The following UVRAG variants were observed in gnomAD, a reference collection of about 807,000 sequenced individuals.
UVRAG encodes UV radiation resistance associated.
A neutral mutation model predicts 78.0 loss-of-function variants in UVRAG; 19 were observed. That is an observed-to-expected ratio of 0.24 (90% CI 0.17 to 0.36). The LOEUF is 0.36. Ranked by LOEUF, UVRAG falls within the 10% of genes least tolerant of loss-of-function variation. The pLI is 1.00. For synonymous variants in UVRAG, 323 were observed against 324.6 expected (o/e 1.00, Z 0.05); for missense variants, 740 against 853.8 (o/e 0.87, Z 1.66).
At chr11:75,900,061 T>A (rs1947455370) in intron 5 of UVRAG, among the ~76,000 whole-genome samples, 2 of 152,226 alleles carry the variant, frequency 1.3e-5, no homozygotes, top group South Asian at 4.1e-4. Flanking sequence ...CGTTTCCTGT[T>A]ATGAATTTGG....
intron 7 of UVRAG, among the ~76,000 whole-genome samples, chr11:75,981,421 C>T (rs1949389402): frequency 6.6e-6 from 1 of 151,690 alleles, no homozygotes; most frequent in African/African-American, 2.4e-5. Flanking sequence ...CCTAATTTGG[C>T]AAGTTTTTAG....
intron 4 of UVRAG, among the ~76,000 whole-genome samples, chr11:75,884,546 A>G (rs1442714593): frequency 6.6e-6 from 1 of 151,978 alleles, no homozygotes; most frequent in African/African-American, 2.4e-5. Context: ...GAAGTTTTAT[A>G]GTTTTAGGTT....
intron 13 of UVRAG, among the ~76,000 whole-genome samples, chr11:76,110,197 A>G (rs1019548934): frequency 2.7e-4 from 35 of 131,724 alleles, no homozygotes; most frequent in African/African-American, 1.4e-3. Context: ...TGGAGAATAT[A>G]TATATATCTG....
At chr11:75,827,541 G>A (rs1755789812) in intron 1 of UVRAG, among the ~76,000 whole-genome samples, 2 of 152,132 alleles carry the variant, frequency 1.3e-5, no homozygotes, top group Admixed American at 1.3e-4. Flanking sequence ...AACCCAGGAG[G>A]CGGAGGTTGC....
At chr11:75,863,763 C>G (rs1946475769) in intron 3 of UVRAG, among the ~76,000 whole-genome samples, 1 of 152,188 alleles carries the variant, frequency 6.6e-6, no homozygotes, top group African/African-American at 2.4e-5. Flanking sequence ...GAGGATTGGA[C>G]TAAAACACTT....
At chr11:75,815,890 C>A (rs1205301167) in intron 1 of UVRAG, among the ~76,000 whole-genome samples, 1 of 152,226 alleles carries the variant, frequency 6.6e-6, no homozygotes, top group Admixed American at 6.5e-5. Context: ...CGGGGAACCC[C>A]CTGTGTCCCA....
chr11:75,964,575 A>G (rs1948974292), intron 7 of UVRAG, among the ~76,000 whole-genome samples: 1 of 152,192 alleles, frequency 6.6e-6, no homozygotes, highest in Non-Finnish European at 1.5e-5. Flanking sequence ...AGCATTTTTC[A>G]TATCCTATTG....
At chr11:76,003,440 C>T (rs371858650) in intron 8 of UVRAG, among the ~76,000 whole-genome samples, 2 of 151,654 alleles carry the variant, frequency 1.3e-5, no homozygotes, top group African/African-American at 2.4e-5. Flanking sequence ...AGGCTGGTCT[C>T]GAACTCCTGA....
At chr11:75,929,944 C>T (rs185317446) in intron 6 of UVRAG, among the ~76,000 whole-genome samples, 24 of 152,252 alleles carry the variant, frequency 1.6e-4, no homozygotes, top group South Asian at 2.1e-4. Flanking sequence ...GATCTCACTT[C>T]GTTCCTGTAC....
intron 1 of UVRAG, among the ~76,000 whole-genome samples, chr11:75,828,605 A>C (rs1945571357): frequency 1.3e-5 from 2 of 150,922 alleles, no homozygotes. Flanking sequence ...TAGCCTCCTG[A>C]GTAGCTGAGA....
intron 13 of UVRAG, among the ~76,000 whole-genome samples, chr11:76,082,329 A>G (rs886251712): frequency 1.3e-5 from 2 of 151,734 alleles, no homozygotes; most frequent in East Asian, 3.9e-4. Context: ...TCACGAGGTC[A>G]GGAGATCGAG....
intron 5 of UVRAG, among the ~76,000 whole-genome samples, chr11:75,908,529 T>C (rs574857538): frequency 5.3e-5 from 8 of 152,298 alleles, no homozygotes; most frequent in Admixed American, 5.2e-4. Flanking sequence ...ATATCTGTAT[T>C]CATAAAGGAT....
intron 9 of UVRAG, among the ~76,000 whole-genome samples, chr11:76,005,101 T>C (rs892402420): frequency 5.9e-5 from 9 of 152,134 alleles, no homozygotes; most frequent in African/African-American, 2.2e-4. Context: ...CCCAGCACTT[T>C]GGGAGGCCGA....
intron 8 of UVRAG, among the ~76,000 whole-genome samples, chr11:76,000,803 G>T (rs1949799866): frequency 1.3e-5 from 2 of 152,172 alleles, no homozygotes; most frequent in Admixed American, 1.3e-4. Context: ...GAAGAGGTCA[G>T]TTCACCAAAA....
chr11:75,977,584 G>A (rs903157800), intron 7 of UVRAG, among the ~76,000 whole-genome samples: 1 of 152,188 alleles, frequency 6.6e-6, no homozygotes, highest in African/African-American at 2.4e-5. Context: ...ATTTAGGATA[G>A]TTAGCTCTTC....
chr11:76,028,441 A>T (rs577622030), intron 12 of UVRAG, among the ~76,000 whole-genome samples: 10 of 152,298 alleles, frequency 6.6e-5, no homozygotes, highest in African/African-American at 9.6e-5. Flanking sequence ...GAGCTTAATG[A>T]GGAAAGAATG....
intron 5 of UVRAG, among the ~76,000 whole-genome samples, chr11:75,897,767 G>T (rs563561223): frequency 6.6e-6 from 1 of 150,998 alleles, no homozygotes; most frequent in Non-Finnish European, 1.5e-5. Context: ...CAAGTGATCT[G>T]CCCACCTCGG....
In UVRAG at chr11:76,069,066, T is replaced by C. The variant is rs114304055; in HGVS notation, c.1305+3278T>C. Among the ~76,000 whole-genome samples, 690 of 152,346 alleles carry C rather than the reference T, an allele frequency of 4.5e-3. 2 individuals carry two copies. The highest frequency in any genetic ancestry group is 0.016 in the African/African-American group (658 of 41,578). ...CTTGGTTGAGGATTTGAATAGTCAA[T>C]AGGACCTTTCATCACAACCAGAAGT... is the stretch of plus-strand genomic sequence containing the variant. On this transcript the variant is annotated intron_variant, in intron 13 of 14. Transcript: ENST00000356136.
intron 14 of UVRAG, among the ~76,000 whole-genome samples, chr11:76,140,080 TCCCC>T (rs1360936385): frequency 0.065 from 376 of 5,796 alleles, 45 homozygotes; most frequent in African/African-American, 0.2. Context: ...CCTCCCTCCC[TCCCC>T]CTCTCCCCCT....
Sources: gnomAD v4.1 joint callset for allele counts (sites outside exome capture counted in the v4.1 genomes callset) on GRCh38, gnomAD v4.1.1 for gene constraint, MANE v1.5 for transcripts, NCBI Gene and HGNC (gene_info 2026-07-23, HGNC 2026-07-21) for gene names.